The following LYPLAL1 variants were observed in gnomAD, a reference collection of about 807,000 sequenced individuals.
LYPLAL1 encodes the protein lysophospholipase-like protein 1.
Under a neutral mutation model 19.7 loss-of-function variants are expected in LYPLAL1, and 23 were observed. The observed-to-expected ratio is 1.17, with a 90% confidence interval of 0.84 to 1.65. The LOEUF is 1.65. Among genes scored for constraint, LYPLAL1 ranks in the 40% most tolerant of loss-of-function variants. The probability of loss-of-function intolerance (pLI) is 0.00; values close to 1 mark genes in which losing one functional copy is unlikely to be tolerated. For missense variants in LYPLAL1, 355 were observed against 279.4 expected, an observed-to-expected ratio of 1.27 and a Z score of -1.93; for synonymous variants, 119 against 96.3, an observed-to-expected ratio of 1.24 and a Z score of -1.38.
chr1:219,292,069 A>T, the LYPLAL1 span, among the ~76,000 whole-genome samples: 2 of 152,084 alleles, frequency 1.3e-5, no homozygotes, highest in Non-Finnish European at 2.9e-5. Context: ...CACAATAGAA[A>T]TGAACACGTG....
chr1:219,300,623 C>T, the LYPLAL1 span, among the ~76,000 whole-genome samples: 1 of 149,538 alleles, frequency 6.7e-6, no homozygotes, highest in African/African-American at 2.5e-5. Context: ...CAAGCTCTGC[C>T]TCCTGGGTTC....
chr1:219,312,906 A>T, the LYPLAL1 span, among the ~76,000 whole-genome samples: 1 of 152,216 alleles, frequency 6.6e-6, no homozygotes, highest in Non-Finnish European at 1.5e-5. Context: ...TGTGACTACA[A>T]CTACCGATAA....
the LYPLAL1 span, among the ~76,000 whole-genome samples, chr1:219,392,826 T>A: frequency 6.6e-6 from 1 of 152,074 alleles, no homozygotes; most frequent in Non-Finnish European, 1.5e-5. Flanking sequence ...TAAACAATAT[T>A]CCCAAGATCT....
chr1:219,286,350 G>A, the LYPLAL1 span, among the ~76,000 whole-genome samples: 2 of 152,078 alleles, frequency 1.3e-5, no homozygotes, highest in Non-Finnish European at 2.9e-5. Flanking sequence ...GTCCTGATTG[G>A]AACCAAGCTC....
At chr1:219,201,169 G>A (rs548696719) in intron 3 of LYPLAL1, among the ~76,000 whole-genome samples, 3 of 152,150 alleles carry the variant, frequency 2.0e-5, no homozygotes, top group Admixed American at 6.5e-5. Context: ...TTTAATTTGT[G>A]CTTAATTTGT....
At chr1:219,210,942 A>T (rs1658986122) in intron 4 of LYPLAL1, among the ~76,000 whole-genome samples, 1 of 152,174 alleles carries the variant, frequency 6.6e-6, no homozygotes, top group African/African-American at 2.4e-5. Context: ...TACATATTAA[A>T]ACTGCATGAT....
the LYPLAL1 span, among the ~76,000 whole-genome samples, chr1:219,235,556 A>G: frequency 1.3e-5 from 2 of 152,194 alleles, no homozygotes; most frequent in East Asian, 1.9e-4. Flanking sequence ...ATGACCAAAC[A>G]TGTTTTTGCA....
chr1:219,315,561 G>A, the LYPLAL1 span, among the ~76,000 whole-genome samples: 1 of 152,070 alleles, frequency 6.6e-6, no homozygotes, highest in South Asian at 2.1e-4. Flanking sequence ...TTAAAATTAG[G>A]AGGAAAAAAA....
chr1:219,444,397 T>G, the LYPLAL1 span, among the ~76,000 whole-genome samples: 1 of 152,320 alleles, frequency 6.6e-6, no homozygotes, highest in East Asian at 1.9e-4. Context: ...TTTGAAAATC[T>G]CAGTCCTTCC....
At chr1:219,369,191 C>T in the LYPLAL1 span, among the ~76,000 whole-genome samples, 1 of 152,220 alleles carries the variant, frequency 6.6e-6, no homozygotes, top group East Asian at 1.9e-4. Flanking sequence ...ATTGTCACAT[C>T]AGCATCTGTC....
chr1:219,400,684 A>C, the LYPLAL1 span, among the ~76,000 whole-genome samples: 1 of 152,038 alleles, frequency 6.6e-6, no homozygotes, highest in Non-Finnish European at 1.5e-5. Context: ...TAGTACAGAC[A>C]GGGTGGGGTT....
At chr1:219,182,651 A>G (rs191053914) in intron 2 of LYPLAL1, among the ~76,000 whole-genome samples, 2 of 152,252 alleles carry the variant, frequency 1.3e-5, no homozygotes, top group Non-Finnish European at 2.9e-5. Context: ...ATGTTGCTAC[A>G]TACTTTCTGA....
chr1:219,176,801 T>C (rs1655854983), intron 1 of LYPLAL1, among the ~76,000 whole-genome samples: 1 of 152,188 alleles, frequency 6.6e-6, no homozygotes, highest in Non-Finnish European at 1.5e-5. Flanking sequence ...TCTAGACAAG[T>C]TCATCTAACT....
intron 2 of LYPLAL1, among the ~76,000 whole-genome samples, chr1:219,183,103 C>CGAAA (rs1656431067): frequency 3.3e-5 from 5 of 152,072 alleles, no homozygotes; most frequent in African/African-American, 1.2e-4. Flanking sequence ...TGAACACTTT[C>CGAAA]CATTGTCTTT....
the LYPLAL1 span, among the ~76,000 whole-genome samples, chr1:219,358,835 CGT>C: frequency 3.3e-5 from 5 of 149,858 alleles, no homozygotes; most frequent in African/African-American, 4.9e-5. Flanking sequence ...TGTGTGTGTG[CGT>C]GTGTGTGTGT....
At chr1:219,421,869 C>T in the LYPLAL1 span, among the ~76,000 whole-genome samples, 10 of 152,082 alleles carry the variant, frequency 6.6e-5, no homozygotes, top group Admixed American at 1.3e-4. Flanking sequence ...TAAAGGATTA[C>T]TTTAACGTTT....
the LYPLAL1 span, among the ~76,000 whole-genome samples, chr1:219,421,312 T>G: frequency 6.6e-6 from 1 of 152,206 alleles, no homozygotes; most frequent in African/African-American, 2.4e-5. Context: ...ATCATGTTTT[T>G]CAGGGTAAAA....
At chr1:219,442,704 A>G in the LYPLAL1 span, 2 of 152,054 alleles carry the variant, frequency 1.3e-5, no homozygotes, top group African/African-American at 4.8e-5. Context: ...CTTCCTGCTC[A>G]TTCAATATCA....
the LYPLAL1 span, among the ~76,000 whole-genome samples, chr1:219,337,611 C>T: frequency 1.3e-5 from 2 of 151,982 alleles, no homozygotes; most frequent in African/African-American, 4.8e-5. Flanking sequence ...GAGGCTGTTC[C>T]ATTTCTGTTC....
Sources: gnomAD v4.1 joint callset for allele counts (sites outside exome capture counted in the v4.1 genomes callset) on GRCh38, gnomAD v4.1.1 for gene constraint, MANE v1.5 for transcripts, NCBI Gene and HGNC (gene_info 2026-07-23, HGNC 2026-07-21) for gene names.